Variants in GRM8 observed in about 807,000 individuals in gnomAD.
GRM8 encodes the protein metabotropic glutamate receptor 8.
GRM8 carries 47 observed loss-of-function variants against 87.2 expected under a neutral mutation model. The observed-to-expected ratio is 0.54, with a 90% CI of 0.43 to 0.69. The LOEUF (loss-of-function observed/expected upper bound fraction) is 0.69, where lower values mean the gene tolerates loss of function less well. Ranked by LOEUF, GRM8 falls within the 30% of genes least tolerant of loss-of-function variation. The pLI, the probability that GRM8 is intolerant of heterozygous loss-of-function variation, is 0.00. For missense variants in GRM8, 1,019 were observed against 1,139.2 expected (o/e 0.89, Z 1.52); for synonymous variants, 396 against 404.5 (o/e 0.98, Z 0.25).
intron 2 of GRM8, among the ~76,000 whole-genome samples, chr7:127,136,889 C>T (rs1379115742): frequency 6.6e-6 from 1 of 151,814 alleles, no homozygotes; most frequent in Non-Finnish European, 1.5e-5. Context: ...TGAGAAAATT[C>T]CCCATCAGAT....
At chr7:126,461,236 G>C (rs946794647) in intron 9 of GRM8, among the ~76,000 whole-genome samples, 7 of 151,482 alleles carry the variant, frequency 4.6e-5, no homozygotes, top group African/African-American at 1.7e-4. Flanking sequence ...CTCCCAAAGT[G>C]ATGCAGCTCA....
intron 7 of GRM8, among the ~76,000 whole-genome samples, chr7:126,635,717 C>T (rs907414740): frequency 6.6e-6 from 1 of 152,090 alleles, no homozygotes; most frequent in African/African-American, 2.4e-5. Context: ...ATGCATAACA[C>T]AGGTGGCATA....
At chr7:127,004,964 T>C (rs1340230705) in intron 3 of GRM8, among the ~76,000 whole-genome samples, 13 of 151,706 alleles carry the variant, frequency 8.6e-5, no homozygotes, top group Non-Finnish European at 3.0e-5. Flanking sequence ...ACTTTCTTAG[T>C]TACCTAATCA....
chr7:127,106,507 G>C lies in GRM8; in HGVS notation c.716C>G (p.Ser239Trp), dbSNP rs755371409. 1 of 1,612,768 alleles carries C rather than the reference G, an allele frequency of 6.2e-7. No homozygotes were observed. Among genetic ancestry groups the C allele is most frequent in the African/African-American group, 1.3e-5 (1 of 74,988 alleles). The change falls in exon 3 of 11, where the codon TCG (serine) becomes TGG (tryptophan). Residue 239 changes from serine to tryptophan, a missense_variant. Ser to Trp is a radical substitution (Grantham distance 177, BLOSUM62 -3). Coordinates refer to ENST00000339582, the MANE Select transcript of GRM8 (RefSeq NM_000845.3). The part of the protein sequence containing the change: ...ESGVEAFTQI[S>W]REIGGVCIAQ... ...AAATATATGCTTACCAATCTCCCTC[G>C]AGATCTGGGTGAAGGCCTCCACACC...
chr7:126,799,043 T>A (rs1585982634), intron 6 of GRM8, among the ~76,000 whole-genome samples: 1 of 152,072 alleles, frequency 6.6e-6, no homozygotes, highest in Non-Finnish European at 1.5e-5. Context: ...TTTGGGGAGT[T>A]GAAAATGGGC....
chr7:126,910,723 G>A (rs371616393), intron 3 of GRM8, among the ~76,000 whole-genome samples: 3 of 152,146 alleles, frequency 2.0e-5, no homozygotes, highest in Admixed American at 2.0e-4. Flanking sequence ...ATTGATACAA[G>A]AGCAAATTTG....
intron 3 of GRM8, among the ~76,000 whole-genome samples, chr7:127,042,006 A>T (rs544770484): frequency 6.6e-6 from 1 of 152,014 alleles, no homozygotes; most frequent in Admixed American, 6.6e-5. Context: ...AGGAGGGGGG[A>T]TTGGGCCTCC....
chr7:126,501,281 C>T (rs544695448), intron 9 of GRM8, among the ~76,000 whole-genome samples: 2 of 152,124 alleles, frequency 1.3e-5, no homozygotes, highest in Admixed American at 6.6e-5. Context: ...TATGGAGGCA[C>T]ATTGAACATT....
chr7:127,178,136 G>T (rs186190550), intron 2 of GRM8, among the ~76,000 whole-genome samples: 62 of 152,288 alleles, frequency 4.1e-4, no homozygotes, highest in Middle Eastern at 3.4e-3. Context: ...ATTCAAGGAA[G>T]TAGATAGCTT....
chr7:126,453,891 T>G (rs1245643291), intron 9 of GRM8, among the ~76,000 whole-genome samples: 1 of 151,744 alleles, frequency 6.6e-6, no homozygotes, highest in Non-Finnish European at 1.5e-5. Context: ...ATACAAGGTG[T>G]CTACTCTCTC....
At chr7:127,092,556 AG>A (rs1824249420) in intron 3 of GRM8, among the ~76,000 whole-genome samples, 1 of 152,126 alleles carries the variant, frequency 6.6e-6, no homozygotes, top group African/African-American at 2.4e-5. Context: ...TAATACAAAA[AG>A]CTAGCTGGGT....
chr7:126,919,790 C>T (rs1000764022), intron 3 of GRM8, among the ~76,000 whole-genome samples: 1 of 152,116 alleles, frequency 6.6e-6, no homozygotes, highest in African/African-American at 2.4e-5. Context: ...CTCTGTCTTT[C>T]CCATTTTAAA....
chr7:126,644,219 C>G (rs189452463), intron 7 of GRM8, among the ~76,000 whole-genome samples: 1 of 152,096 alleles, frequency 6.6e-6, no homozygotes, highest in African/African-American at 2.4e-5. Context: ...ATCGTATTTT[C>G]AAATTTAAAC....
intron 2 of GRM8, among the ~76,000 whole-genome samples, chr7:127,109,325 TA>T (rs555726186): frequency 1.8e-4 from 26 of 148,236 alleles, no homozygotes; most frequent in East Asian, 9.8e-4. Context: ...CCCCATCCTT[TA>T]AAAAAAAAAG....
chr7:126,665,318 C>T (rs1805639853), intron 7 of GRM8, among the ~76,000 whole-genome samples: 2 of 152,210 alleles, frequency 1.3e-5, no homozygotes, highest in South Asian at 4.1e-4. Flanking sequence ...CATTGCAACA[C>T]TATTTGCAAT....
At chr7:127,038,009 A>T (rs1818008124) in intron 3 of GRM8, among the ~76,000 whole-genome samples, 1 of 152,226 alleles carries the variant, frequency 6.6e-6, no homozygotes. Context: ...AAATACATGT[A>T]TCATTTTTGA....
intron 7 of GRM8, among the ~76,000 whole-genome samples, chr7:126,644,884 T>C (rs959572873): frequency 6.6e-6 from 1 of 152,202 alleles, no homozygotes; most frequent in African/African-American, 2.4e-5. Flanking sequence ...TTCTGAGTTC[T>C]GTTCAGTCTA....
intron 8 of GRM8, among the ~76,000 whole-genome samples, chr7:126,598,637 A>G (rs1797440487): frequency 6.6e-6 from 1 of 151,944 alleles, no homozygotes; most frequent in African/African-American, 2.4e-5. Flanking sequence ...ATAAATAGGC[A>G]AGAGAGAATC....
At chr7:126,752,233 C>A (rs75377767) in intron 7 of GRM8, among the ~76,000 whole-genome samples, 55 of 152,090 alleles carry the variant, frequency 3.6e-4, no homozygotes, top group African/African-American at 1.3e-3. Flanking sequence ...GAGTTCAAGG[C>A]AGTAGTGCAC....
Sources: allele counts gnomAD v4.1 joint callset (sites outside exome capture counted in the v4.1 genomes callset), GRCh38; gene constraint gnomAD v4.1.1; transcripts MANE v1.5; gene names NCBI Gene and HGNC (gene_info 2026-07-23, HGNC 2026-07-21).